MSRA: variants seen among roughly 807,000 people sequenced by gnomAD.
The protein encoded by MSRA is methionine sulfoxide reductase A.
A neutral mutation model predicts 31.3 loss-of-function variants in MSRA; 54 were observed. That is an observed-to-expected ratio of 1.73 (90% CI 1.39 to 2.17). The LOEUF (loss-of-function observed/expected upper bound fraction) is 2.17. Ranked by LOEUF, MSRA falls within the 30% of genes most tolerant of loss-of-function variation. The probability of loss-of-function intolerance (pLI) is 0.00; values close to 1 mark genes in which losing one functional copy is unlikely to be tolerated. For missense variants in MSRA, 507 were observed against 300.9 expected (o/e 1.69, Z -5.07); for synonymous variants, 169 against 116.5 (o/e 1.45, Z -2.90).
At chr8:10,087,179 A>G (rs143890216) in intron 1 of MSRA, among the ~76,000 whole-genome samples, 2 of 152,230 alleles carry the variant, frequency 1.3e-5, no homozygotes, top group East Asian at 3.9e-4. Context: ...GTGCCTCTAT[A>G]TTTCCCAGAG....
At chr8:10,066,077 C>T (rs1055112319) in intron 1 of MSRA, among the ~76,000 whole-genome samples, 3 of 151,926 alleles carry the variant, frequency 2.0e-5, no homozygotes, top group Non-Finnish European at 4.4e-5. Flanking sequence ...GGCTGGAGTG[C>T]AGTGGCATGA....
chr8:10,111,686 GC>G (rs1175086681), intron 1 of MSRA, among the ~76,000 whole-genome samples: 3 of 152,286 alleles, frequency 2.0e-5, no homozygotes, highest in South Asian at 2.1e-4. Flanking sequence ...ATGTTATTGG[GC>G]TAGTATTGCA....
intron 3 of MSRA, among the ~76,000 whole-genome samples, chr8:10,253,831 G>A (rs1015939621): frequency 1.3e-5 from 2 of 152,060 alleles, no homozygotes; most frequent in African/African-American, 4.8e-5. Flanking sequence ...AATTTTTAGA[G>A]CCTTAGAATA....
At chr8:10,118,810 C>T (rs879790561) in intron 1 of MSRA, among the ~76,000 whole-genome samples, 1 of 152,210 alleles carries the variant, frequency 6.6e-6, no homozygotes, top group African/African-American at 2.4e-5. Context: ...TACCCCAATT[C>T]CCACCCAAGG....
At chr8:10,177,771 A>G (rs1226853775) in intron 1 of MSRA, among the ~76,000 whole-genome samples, 1 of 152,204 alleles carries the variant, frequency 6.6e-6, no homozygotes, top group Non-Finnish European at 1.5e-5. Context: ...AAATTTCTTT[A>G]AAAACCAGTC....
chr8:10,206,709 G>T lies in MSRA; in HGVS notation c.143-1124G>T, dbSNP rs111978507. ...TCCTTCGGACTCCAGGAGTGGCAGCGCCTTCTGGCAGCACATCTGACTTCC... is the reference window on the plus strand; with the variant it reads ...TCCTTCGGACTCCAGGAGTGGCAGCTCCTTCTGGCAGCACATCTGACTTCC... On this transcript the variant is annotated intron_variant, in intron 1 of 5. Coordinates refer to ENST00000317173, the MANE Select transcript of MSRA (RefSeq NM_012331.5). Among the ~76,000 whole-genome samples the T allele has an allele frequency of 8.2e-3, 1,244 of 152,252 alleles. 15 individuals are homozygous for T. The highest frequency in any genetic ancestry group is 0.029 in the African/African-American group (1,196 of 41,534).
intron 1 of MSRA, among the ~76,000 whole-genome samples, chr8:10,192,461 C>A (rs796600619): frequency 1.6e-4 from 25 of 152,298 alleles, no homozygotes; most frequent in African/African-American, 5.5e-4. Flanking sequence ...CAGAAACACC[C>A]AGCTTCCTAT....
At chr8:10,236,214 C>G (rs555048685) in intron 2 of MSRA, among the ~76,000 whole-genome samples, 2 of 152,100 alleles carry the variant, frequency 1.3e-5, no homozygotes, top group African/African-American at 4.8e-5. Flanking sequence ...GACAAGGATT[C>G]CTAGCATTGT....
At chr8:10,144,776 A>G (rs1338054709) in intron 1 of MSRA, among the ~76,000 whole-genome samples, 3 of 152,088 alleles carry the variant, frequency 2.0e-5, no homozygotes, top group Non-Finnish European at 2.9e-5. Context: ...TAATGTGACA[A>G]TTGCGGCTCA....
Position 10,079,704 on chromosome 8 carries a change from G to A in MSRA, c.142+25046G>A, listed in dbSNP as rs149325784. On this transcript the variant is annotated intron_variant, in intron 1 of 5. Coordinates refer to ENST00000317173, the MANE Select transcript of MSRA (RefSeq NM_012331.5). ...GTGCTTGGGTGCTAAGCATTACAGC[G>A]CTCTTGGCTATCCAGTCATGCCCAT... Among the ~76,000 whole-genome samples the A allele has an allele frequency of 6.7e-4, 102 of 152,178 alleles. No individual in the cohort carries two copies. In the East Asian group the frequency reaches 0.011, roughly 16 times the overall value.
At chr8:10,104,774 A>T (rs1336322398) in intron 1 of MSRA, among the ~76,000 whole-genome samples, 1 of 152,172 alleles carries the variant, frequency 6.6e-6, no homozygotes, top group Non-Finnish European at 1.5e-5. Flanking sequence ...CCCCCTTCAC[A>T]TCATAGCCTG....
intron 3 of MSRA, among the ~76,000 whole-genome samples, chr8:10,278,006 A>T (rs1207379053): frequency 1.3e-5 from 2 of 152,054 alleles, no homozygotes; most frequent in Non-Finnish European, 2.9e-5. Flanking sequence ...ACCTCTTTCC[A>T]TTTTTTCCCT....
intron 1 of MSRA, among the ~76,000 whole-genome samples, chr8:10,093,361 G>T (rs1563426957): frequency 6.6e-6 from 1 of 151,902 alleles, no homozygotes; most frequent in Non-Finnish European, 1.5e-5. Flanking sequence ...TTGCTTAGTG[G>T]TTGCCCTGGG....
intron 2 of MSRA, among the ~76,000 whole-genome samples, chr8:10,218,958 C>A (rs756212997): frequency 6.6e-6 from 1 of 152,170 alleles, no homozygotes; most frequent in Non-Finnish European, 1.5e-5. Context: ...GCTCTCTCCA[C>A]GGAGCAGCGA....
intron 5 of MSRA, among the ~76,000 whole-genome samples, chr8:10,371,955 AAGG>A (rs1424134052): frequency 1.3e-5 from 2 of 152,270 alleles, no homozygotes; most frequent in Admixed American, 6.5e-5. Context: ...AAGTGTAGGG[AAGG>A]AGAAGTCTTA....
At chr8:10,346,760 G>A (rs1370380275) in intron 5 of MSRA, among the ~76,000 whole-genome samples, 1 of 152,184 alleles carries the variant, frequency 6.6e-6, no homozygotes, top group Non-Finnish European at 1.5e-5. Context: ...TTCAAGCCAG[G>A]ACAAAAGTTA....
At chr8:10,140,924 C>T (rs943548707) in intron 1 of MSRA, among the ~76,000 whole-genome samples, 1 of 152,096 alleles carries the variant, frequency 6.6e-6, no homozygotes, top group African/African-American at 2.4e-5. Flanking sequence ...AAATCAAGGA[C>T]TCAGAGTGAG....
At chr8:10,225,128 C>T (rs948110676) in intron 2 of MSRA, among the ~76,000 whole-genome samples, 1 of 152,188 alleles carries the variant, frequency 6.6e-6, no homozygotes, top group Admixed American at 6.5e-5. Context: ...CGGAGTGAGA[C>T]TCCATCTCAA....
intron 1 of MSRA, among the ~76,000 whole-genome samples, chr8:10,149,114 C>T (rs555904118): frequency 7.8e-6 from 1 of 128,970 alleles, no homozygotes; most frequent in East Asian, 2.5e-4. Flanking sequence ...TGCCACCACA[C>T]CTGGCTAACT....
Sources: gnomAD v4.1 joint callset for allele counts (sites outside exome capture counted in the v4.1 genomes callset) on GRCh38, gnomAD v4.1.1 for gene constraint, MANE v1.5 for transcripts, NCBI Gene and HGNC (gene_info 2026-07-23, HGNC 2026-07-21) for gene names.